CPNE8: variants seen among roughly 807,000 people sequenced by gnomAD.
The protein encoded by CPNE8 is copine 8, also known as copine-8.
In CPNE8, 45 loss-of-function variants were observed where a neutral mutation model predicts 81.5. The observed-to-expected ratio is 0.55, with a 90% confidence interval of 0.44 to 0.71. CPNE8 has a LOEUF of 0.71. Ranked by LOEUF, CPNE8 falls within the 30% of genes least tolerant of loss-of-function variation. The probability of loss-of-function intolerance (pLI) is 0.00; values close to 1 mark genes in which losing one functional copy is unlikely to be tolerated. For missense variants in CPNE8, 594 were observed against 672.1 expected, an observed-to-expected ratio of 0.88 and a Z score of 1.28; for synonymous variants, 252 against 226.3, an observed-to-expected ratio of 1.11 and a Z score of -1.02.
intron 6 of CPNE8, among the ~76,000 whole-genome samples, chr12:38,792,414 T>C (rs1942347478): frequency 1.3e-5 from 2 of 150,756 alleles, no homozygotes; most frequent in African/African-American, 4.9e-5. Flanking sequence ...CAACTGATGC[T>C]GCAGAAATGA....
chr12:38,700,799 A>G (rs1418509835), intron 14 of CPNE8, among the ~76,000 whole-genome samples: 1 of 152,094 alleles, frequency 6.6e-6, no homozygotes, highest in African/African-American at 2.4e-5. Context: ...ATAATAGTGA[A>G]TAAGTCTCAT....
intron 19 of CPNE8, among the ~76,000 whole-genome samples, chr12:38,669,133 C>A (rs1939120554): frequency 6.6e-6 from 1 of 152,066 alleles, no homozygotes; most frequent in Admixed American, 6.6e-5. Flanking sequence ...TTCTTTTTCC[C>A]AGCTGCTGTT....
chr12:38,772,769 A>G (rs1485928299), intron 7 of CPNE8, among the ~76,000 whole-genome samples: 2 of 152,184 alleles, frequency 1.3e-5, no homozygotes, highest in Non-Finnish European at 2.9e-5. Context: ...CTGGGTATAT[A>G]TCCAAAGAAA....
Position 38,675,699 on chromosome 12 carries a change from T to C in CPNE8, c.1432+18A>G, listed in dbSNP as rs1410475236. On this transcript the variant is annotated intron_variant, in intron 18 of 19. Transcript: ENST00000331366. Reference sequence around the variant, plus strand: ...TAAATGAACTCCCAAGGAATATTATTGAAATTTTACTACTCACCATCAAAT... The same window carrying C: ...TAAATGAACTCCCAAGGAATATTATCGAAATTTTACTACTCACCATCAAAT... The C allele has an allele frequency of 1.3e-6, 2 of 1,524,882 alleles. No homozygotes were observed. Among genetic ancestry groups the C allele is most frequent in the African/African-American group, 1.4e-5 (1 of 73,036 alleles). The allele number at this position is 1,524,882 out of a possible 1,614,324, so 94.5% of individuals were successfully genotyped here.
intron 13 of CPNE8, among the ~76,000 whole-genome samples, chr12:38,703,425 C>T (rs777643487): frequency 1.3e-5 from 2 of 152,058 alleles, no homozygotes; most frequent in Non-Finnish European, 2.9e-5. Context: ...TGATAAAACC[C>T]TCAAGAAGCT....
At chr12:38,797,651 T>G (rs1367410597) in intron 6 of CPNE8, among the ~76,000 whole-genome samples, 1 of 152,004 alleles carries the variant, frequency 6.6e-6, no homozygotes, top group African/African-American at 2.4e-5. Flanking sequence ...CCTCTCCTCC[T>G]CCAAAGGAAC....
chr12:38,868,307 T>A (rs2137096137), intron 3 of CPNE8, among the ~76,000 whole-genome samples: 1 of 152,242 alleles, frequency 6.6e-6, no homozygotes, highest in African/African-American at 2.4e-5. Flanking sequence ...ATAATATTGG[T>A]CAAATTGATA....
At chr12:38,802,691 C>A (rs1028879505) in intron 6 of CPNE8, among the ~76,000 whole-genome samples, 4 of 151,862 alleles carry the variant, frequency 2.6e-5, no homozygotes, top group African/African-American at 9.7e-5. Context: ...AGACAAAAAA[C>A]CCTTCCAAAA....
chr12:38,697,849 C>T (rs79260297), intron 14 of CPNE8, among the ~76,000 whole-genome samples: 4,614 of 152,222 alleles, frequency 0.03, 215 homozygotes, highest in East Asian at 0.13. Context: ...ATGCTGACTG[C>T]CCCTTTGCAT....
At chr12:38,788,663 G>A (rs1942253786) in intron 6 of CPNE8, among the ~76,000 whole-genome samples, 1 of 151,542 alleles carries the variant, frequency 6.6e-6, no homozygotes, top group African/African-American at 2.4e-5. Context: ...CAAAAAGAAA[G>A]GAGTCAAATT....
chr12:38,866,433 T>C (rs947126850), intron 3 of CPNE8, among the ~76,000 whole-genome samples: 5 of 152,248 alleles, frequency 3.3e-5, no homozygotes, highest in African/African-American at 1.2e-4. Context: ...TCAGTAGCCA[T>C]GCAGAATGCT....
intron 6 of CPNE8, among the ~76,000 whole-genome samples, chr12:38,780,783 T>C (rs74995806): frequency 0.013 from 1,979 of 152,166 alleles, 49 homozygotes; most frequent in African/African-American, 0.044. Flanking sequence ...GCATAAACTA[T>C]AGATACTTTG....
intron 3 of CPNE8, among the ~76,000 whole-genome samples, chr12:38,859,456 C>T (rs1943797452): frequency 4.6e-5 from 7 of 152,086 alleles, no homozygotes; most frequent in Admixed American, 4.6e-4. Flanking sequence ...GGAAAAACCT[C>T]CATGTTAATG....
upstream of CPNE8, chr12:38,906,527 A>C (rs1944574033): frequency 1.0e-6 from 1 of 985,830 alleles, no homozygotes; most frequent in Non-Finnish European, 1.2e-6. Flanking sequence ...GGGGAGGGTG[A>C]TGTCACAACC....
At chr12:38,753,618 T>C in intron 10 of CPNE8, among the ~76,000 whole-genome samples, 1 of 152,202 alleles carries the variant, frequency 6.6e-6, no homozygotes, top group South Asian at 2.1e-4. Context: ...TGATTTCAGG[T>C]AGTTTATAAT....
At position 38,653,620 on chromosome 12, in the gene CPNE8, A is replaced by AAAAAAAAAAAAAAAG. The variant is rs962615624; in HGVS notation, c.*261_*262insCTTTTTTTTTTTTTT. 1.8e-5 allele frequency: 5 copies of AAAAAAAAAAAAAAAG among 274,314 alleles called. No individual in the cohort carries two copies. Among genetic ancestry groups the AAAAAAAAAAAAAAAG allele is most frequent in the African/African-American group, 1.1e-4 (5 of 46,338 alleles). 17.0% of individuals were successfully genotyped at this position (274,314 alleles called of 1,614,324 possible). A position where few individuals can be genotyped will look rare whatever the true frequency, so the allele number is the denominator to read the frequency against. On this transcript the variant is annotated 3_prime_UTR_variant, in exon 20 of 20. Transcript: ENST00000331366. ...ATTGGAAATTAGCTGTTTCTGTTAA[A>AAAAAAAAAAAAAAAG]AAAAAAAAGAAAGAAAGATTTAGAG...
chr12:38,906,705 G>T, upstream of CPNE8: 12 of 640,946 alleles, frequency 1.9e-5, no homozygotes, highest in Non-Finnish European at 2.3e-5. Flanking sequence ...TAGACGAGGC[G>T]CCCCTCCACT....
intron 6 of CPNE8, among the ~76,000 whole-genome samples, chr12:38,782,819 T>C (rs1246272401): frequency 6.6e-6 from 1 of 152,018 alleles, no homozygotes; most frequent in Non-Finnish European, 1.5e-5. Flanking sequence ...TAGCTAGGAA[T>C]ACACATATGT....
chr12:38,803,657 G>C (rs1942744734), intron 6 of CPNE8, among the ~76,000 whole-genome samples: 2 of 148,750 alleles, frequency 1.3e-5, no homozygotes, highest in South Asian at 4.4e-4. Flanking sequence ...GTTCTGGCCA[G>C]GGCAATCAGG....
Sources: gnomAD v4.1 joint callset for allele counts (sites outside exome capture counted in the v4.1 genomes callset) on GRCh38, gnomAD v4.1.1 for gene constraint, MANE v1.5 for transcripts, NCBI Gene and HGNC (gene_info 2026-07-23, HGNC 2026-07-21) for gene names.